Variants in RSPH3 observed in about 807,000 individuals in gnomAD.
The protein encoded by RSPH3 is radial spoke head 3.
RSPH3 carries 21 observed loss-of-function variants against 43.8 expected under a neutral mutation model. That is an observed-to-expected ratio of 0.48 (90% CI 0.34 to 0.69). The LOEUF (loss-of-function observed/expected upper bound fraction) is 0.69. RSPH3 is among the 30% of genes least tolerant of loss of function. The pLI is 0.01. For missense variants in RSPH3, 487 were observed against 516.0 expected (o/e 0.94, Z 0.54); for synonymous variants, 173 against 179.8 (o/e 0.96, Z 0.30).
intron 1 of RSPH3, among the ~76,000 whole-genome samples, chr6:158,995,982 C>T (rs1778581478): frequency 6.6e-6 from 1 of 152,184 alleles, no homozygotes; most frequent in Non-Finnish European, 1.5e-5. Flanking sequence ...TCAAGATCTC[C>T]CATCTCAAGA....
At chr6:158,993,124 G>A (rs1778474132) in intron 2 of RSPH3, among the ~76,000 whole-genome samples, 1 of 151,866 alleles carries the variant, frequency 6.6e-6, no homozygotes, top group East Asian at 1.9e-4. Flanking sequence ...GAAAAATTGG[G>A]GCTTTTTTTT....
intron 3 of RSPH3, among the ~76,000 whole-genome samples, chr6:158,985,904 C>G (rs987871690): frequency 6.6e-6 from 1 of 151,378 alleles, no homozygotes; most frequent in African/African-American, 2.4e-5. Flanking sequence ...ACCTCCGCCT[C>G]CCGGGTTCAA....
In RSPH3 at chr6:158,999,782, G is replaced by C. The variant is rs370487181; in HGVS notation, c.-232C>G. 12 of 1,611,828 alleles carry C rather than the reference G, an allele frequency of 7.4e-6. No individual in the cohort carries two copies. The highest frequency in any genetic ancestry group is 1.0e-5 in the Non-Finnish European group (12 of 1,178,594). On this transcript the variant is annotated 5_prime_UTR_variant, in exon 1 of 8. Coordinates refer to ENST00000367069, the MANE Select transcript of RSPH3 (RefSeq NM_031924.8). ...AGAGACCAGCTGCGGGGGCCGCATC[G>C]GTTGCCCAGCAACCCAGGGTTCTGT...
chr6:158,972,448 T>C (rs1210106486), downstream of RSPH3, among the ~76,000 whole-genome samples: 7 of 152,334 alleles, frequency 4.6e-5, no homozygotes, highest in Admixed American at 3.9e-4. Context: ...AGATAAAATA[T>C]TCATTGAGAG....
intron 2 of RSPH3, chr6:158,988,164 TC>T (rs1778293783): frequency 6.6e-6 from 1 of 151,690 alleles, no homozygotes; most frequent in African/African-American, 2.4e-5. Context: ...TGATTTTTTT[TC>T]TTTCAGCACT....
intron 2 of RSPH3, among the ~76,000 whole-genome samples, chr6:158,988,002 T>C (rs1161382271): frequency 6.6e-6 from 1 of 152,218 alleles, no homozygotes; most frequent in African/African-American, 2.4e-5. Flanking sequence ...ATTAGTGTTT[T>C]TTGTTGCTGT....
chr6:158,984,387 C>T (rs895031296), intron 3 of RSPH3, among the ~76,000 whole-genome samples: 4 of 129,034 alleles, frequency 3.1e-5, no homozygotes, highest in Non-Finnish European at 4.7e-5. Context: ...AACATGAGAC[C>T]GTAGATGTGT....
chr6:158,985,270 G>A (rs929880941), intron 3 of RSPH3, among the ~76,000 whole-genome samples: 3 of 152,186 alleles, frequency 2.0e-5, no homozygotes, highest in African/African-American at 4.8e-5. Context: ...AGAGGCAGAC[G>A]ACTCAGATGG....
chr6:158,969,247 A>C (rs1273151756), downstream of RSPH3, among the ~76,000 whole-genome samples: 1 of 152,060 alleles, frequency 6.6e-6, no homozygotes, highest in East Asian at 1.9e-4. Context: ...GAATGTCTTA[A>C]TTTCTCCTCA....
At chr6:158,979,007 T>A (rs922530281) in intron 6 of RSPH3, among the ~76,000 whole-genome samples, 1 of 151,848 alleles carries the variant, frequency 6.6e-6, no homozygotes, top group Non-Finnish European at 1.5e-5. Context: ...TAAAAGAAAG[T>A]CTCCACCTGA....
chr6:158,967,864 T>C, the RSPH3 span, among the ~76,000 whole-genome samples: 1 of 152,202 alleles, frequency 6.6e-6, no homozygotes, highest in Non-Finnish European at 1.5e-5. Context: ...TTAAAGTCCA[T>C]TTTGTCTGAG....
chr6:158,972,644 T>C (rs1034739849), downstream of RSPH3, among the ~76,000 whole-genome samples: 7 of 152,222 alleles, frequency 4.6e-5, no homozygotes, highest in Non-Finnish European at 1.5e-5. Flanking sequence ...TTCGTATTTA[T>C]AAAAATCATA....
chr6:158,995,820 G>C (rs930513287), intron 1 of RSPH3, among the ~76,000 whole-genome samples: 1 of 151,858 alleles, frequency 6.6e-6, no homozygotes, highest in South Asian at 2.1e-4. Context: ...AGGATGGTCT[G>C]GATCTCCTGA....
At chr6:158,979,901 A>T (rs1336751892) in intron 6 of RSPH3, among the ~76,000 whole-genome samples, 1 of 152,140 alleles carries the variant, frequency 6.6e-6, no homozygotes, top group Non-Finnish European at 1.5e-5. Flanking sequence ...ACAGACAGCT[A>T]TCAGGCTATG....
the RSPH3 span, among the ~76,000 whole-genome samples, chr6:158,964,027 T>C: frequency 2.6e-5 from 4 of 152,200 alleles, no homozygotes; most frequent in Non-Finnish European, 1.5e-5. Flanking sequence ...TTTTCCTAGT[T>C]ATCAGGAATC....
rs533518915 is a variant in RSPH3 at position 158,998,616 on chromosome 6, G to A, written c.116+819C>T. ...CACGCTTGTAATCCCAGCACTTTGGGAGGCCGAGGCGGGCGGATCACTTGA... is the reference window on the plus strand; with the variant it reads ...CACGCTTGTAATCCCAGCACTTTGGAAGGCCGAGGCGGGCGGATCACTTGA... On this transcript the variant is annotated intron_variant, in intron 1 of 7. Transcript: ENST00000367069. Among the ~76,000 whole-genome samples the A allele has an allele frequency of 1.4e-4, 21 of 151,882 alleles. No homozygotes were observed. The South Asian group carries it at 2.5e-3, about 18-fold the overall frequency.
In RSPH3 at chr6:158,977,475, A is replaced by G; in HGVS notation, c.*63T>C. On this transcript the variant is annotated 3_prime_UTR_variant, in exon 8 of 8. Transcript: ENST00000367069. ...TTCTATAACCTGAGGGGACTCGCAC[A>G]TCATTACCTGATTGCTTGCTGACTT... is the stretch of plus-strand genomic sequence containing the variant. 3.5e-6 allele frequency: 5 copies of G among 1,439,382 alleles called. No homozygotes were observed. Among genetic ancestry groups the G allele is most frequent in the Non-Finnish European group, 4.7e-6 (5 of 1,064,374 alleles). 89.2% of individuals were successfully genotyped at this position (1,439,382 alleles called of 1,614,324 possible). A position where few individuals can be genotyped will look rare whatever the true frequency, so the allele number is the denominator to read the frequency against.
At position 158,975,152 on chromosome 6, in the gene RSPH3, T is replaced by G. The variant is rs1178008256; in HGVS notation, c.*2386A>C. 6.6e-6 allele frequency: 1 copy of G among 152,164 alleles called. No homozygotes were observed. Among genetic ancestry groups the G allele is most frequent in the Non-Finnish European group, 1.5e-5 (1 of 68,014 alleles). The allele number at this position is 152,164 out of a possible 1,614,324, so 9.4% of individuals were successfully genotyped here. On this transcript the variant is annotated 3_prime_UTR_variant, in exon 8 of 8. Coordinates refer to ENST00000367069, the MANE Select transcript of RSPH3 (RefSeq NM_031924.8). ...CCGTGCCTGGCCCAATTTTAAGGTT[T>G]CTAAAAGCTAGTTGTAGATATTTTA...
chr6:158,986,868 T>G (rs756997713), intron 2 of RSPH3, among the ~76,000 whole-genome samples: 1 of 152,192 alleles, frequency 6.6e-6, no homozygotes, highest in Non-Finnish European at 1.5e-5. Flanking sequence ...CAGACATGTT[T>G]TGTGGCCTAA....
Sources: allele counts gnomAD v4.1 joint callset (sites outside exome capture counted in the v4.1 genomes callset), GRCh38; gene constraint gnomAD v4.1.1; transcripts MANE v1.5; gene names NCBI Gene and HGNC (gene_info 2026-07-23, HGNC 2026-07-21).